KLHL6: variants seen among roughly 807,000 people sequenced by gnomAD.
KLHL6 encodes the protein kelch-like protein 6.
KLHL6 carries 41 observed loss-of-function variants against 58.6 expected under a neutral mutation model. The ratio of observed to expected loss-of-function variants is 0.70; its 90% CI spans 0.55 to 0.91. KLHL6 has a LOEUF of 0.91. Among genes scored for constraint, KLHL6 ranks in the 40% least tolerant of loss-of-function variants. KLHL6 has a pLI of 0.00. For missense variants in KLHL6, 714 were observed against 805.6 expected, an observed-to-expected ratio of 0.89 and a Z score of 1.38; for synonymous variants, 338 against 322.7, an observed-to-expected ratio of 1.05 and a Z score of -0.51.
intron 4 of KLHL6, among the ~76,000 whole-genome samples, chr3:183,497,107 C>A (rs1039275166): frequency 9.2e-5 from 14 of 152,156 alleles, no homozygotes; most frequent in Admixed American, 6.5e-4. Context: ...GTGAGCCCCC[C>A]ACCTACCAAA....
At chr3:183,540,996 C>T (rs1166948401) in intron 1 of KLHL6, among the ~76,000 whole-genome samples, 2 of 152,126 alleles carry the variant, frequency 1.3e-5, no homozygotes, top group African/African-American at 4.8e-5. Context: ...TTTCCACTTT[C>T]CACTCCCACC....
chr3:183,495,887 A>G (rs532259480), intron 4 of KLHL6, among the ~76,000 whole-genome samples: 2 of 152,196 alleles, frequency 1.3e-5, no homozygotes, highest in Non-Finnish European at 2.9e-5. Flanking sequence ...GAGCACAGAA[A>G]CGGACTAAAA....
intron 2 of KLHL6, among the ~76,000 whole-genome samples, chr3:183,523,692 G>A (rs957612229): frequency 5.0e-5 from 3 of 59,540 alleles, no homozygotes; most frequent in Non-Finnish European, 9.2e-5. Context: ...TTTCCCATGA[G>A]TTGTTGTTTG....
intron 2 of KLHL6, among the ~76,000 whole-genome samples, chr3:183,510,363 C>T (rs1414698007): frequency 6.6e-6 from 1 of 151,864 alleles, no homozygotes; most frequent in Non-Finnish European, 1.5e-5. Context: ...ACAGGACAGA[C>T]CTGACTGGGG....
chr3:183,531,443 G>GTTTTTTTTTTT (rs59579259), intron 1 of KLHL6, among the ~76,000 whole-genome samples: 11 of 90,362 alleles, frequency 1.2e-4, no homozygotes, highest in African/African-American at 4.8e-4. Context: ...TTTTGTCTGT[G>GTTTTTTTTTTT]TTTTTTTTTT....
intron 1 of KLHL6, among the ~76,000 whole-genome samples, chr3:183,534,933 C>CAT (rs377650262): frequency 1.3e-3 from 179 of 137,844 alleles, no homozygotes; most frequent in African/African-American, 4.1e-3. Flanking sequence ...CATATATATA[C>CAT]ATATATATAT....
chr3:183,523,375 A>G (rs557960711), intron 2 of KLHL6, among the ~76,000 whole-genome samples: 3 of 152,308 alleles, frequency 2.0e-5, no homozygotes, highest in East Asian at 1.9e-4. Flanking sequence ...ACCTTCACCA[A>G]TGTCTCCTCT....
In KLHL6 at chr3:183,528,046, G is replaced by C. The variant is rs768903298; in HGVS notation, c.294-36C>G. 1.9e-6 allele frequency: 3 copies of C among 1,612,402 alleles called. No homozygotes were observed. The South Asian group carries it at 3.3e-5, about 18-fold the overall frequency. On this transcript the variant is annotated intron_variant, in intron 1 of 6. Coordinates refer to ENST00000341319, the MANE Select transcript of KLHL6 (RefSeq NM_130446.4). Reference sequence around the variant, plus strand: ...AATGTGTGAATGTGAATCGTGCCGAGACCCTTGGTTCCAGGCCTAAAGAGA... The same window carrying C: ...AATGTGTGAATGTGAATCGTGCCGACACCCTTGGTTCCAGGCCTAAAGAGA...
chr3:183,531,441 G>GTATTTTTTTTTTTTT (rs1367673441), intron 1 of KLHL6, among the ~76,000 whole-genome samples: 1 of 102,100 alleles, frequency 9.8e-6, no homozygotes, highest in African/African-American at 3.5e-5. Context: ...TTTTTTGTCT[G>GTATTTTTTTTTTTTT]TGTTTTTTTT....
At chr3:183,502,693 AT>A (rs1467797991) in intron 3 of KLHL6, among the ~76,000 whole-genome samples, 2 of 152,150 alleles carry the variant, frequency 1.3e-5, no homozygotes, top group Non-Finnish European at 2.9e-5. Context: ...GTGAGCTTGA[AT>A]CTCATAATGA....
chr3:183,516,914 TG>T (rs1367810628), intron 2 of KLHL6, among the ~76,000 whole-genome samples: 1 of 152,230 alleles, frequency 6.6e-6, no homozygotes, highest in African/African-American at 2.4e-5. Context: ...TTGTAATTTT[TG>T]TTGTTGTTTT....
chr3:183,492,767 A>C lies in KLHL6; in HGVS notation c.1351-60T>G, dbSNP rs1276148714. The C allele has an allele frequency of 6.6e-7, 1 of 1,510,606 alleles. No individual in the cohort carries two copies. The highest frequency in any genetic ancestry group is 1.4e-5 in the African/African-American group (1 of 72,846). 93.6% of individuals were successfully genotyped at this position (1,510,606 alleles called of 1,614,324 possible). On this transcript the variant is annotated intron_variant, in intron 5 of 6. Transcript: ENST00000341319. The surrounding 1 kb of genome is among the most constrained non-coding windows in gnomAD (Gnocchi z 5.9). ...GTCATGCTGCCCAGATTGCTGCAGT[A>C]GCTCCCAGGATACAGGACAGAGCTC...
Position 183,527,979 on chromosome 3 carries a change from A to G in KLHL6, c.325T>C (p.Tyr109His), listed in dbSNP as rs1165987594. The change falls in exon 2 of 7, where the codon TAT becomes CAT. Residue 109 changes from tyrosine to histidine, a missense_variant. Coordinates refer to ENST00000341319, the MANE Select transcript of KLHL6 (RefSeq NM_130446.4). ...AMFCNDLKEKYEKRIIIKGVD... is the reference protein window; with the variant it reads ...AMFCNDLKEKHEKRIIIKGVD... ...CCTTTAATAATGATCCTTTTCTCAT[A>G]CTTTTCCTTTAAATCGTTGCAGAAC... The G allele has an allele frequency of 3.1e-6, 5 of 1,613,848 alleles. No individual in the cohort carries two copies. In the Admixed American group the frequency reaches 8.3e-5, roughly 27 times the overall value.
rs1324061232 is a variant in KLHL6, at chr3:183,491,025, C to A, written c.*902G>T. ...GAAAAGGAAAGAAAGCAGGAAACAC[C>A]TTTATTTCCCTGCTGTGCTGAGTGA... is the stretch of plus-strand genomic sequence containing the variant. On this transcript the variant is annotated 3_prime_UTR_variant, in exon 7 of 7. Transcript: ENST00000341319. 6.6e-6 allele frequency: 1 copy of A among 152,188 alleles called. No homozygotes were observed. The highest frequency in any genetic ancestry group is 1.5e-5 in the Non-Finnish European group (1 of 68,034). The allele number at this position is 152,188 out of a possible 1,614,324, so 9.4% of individuals were successfully genotyped here.
chr3:183,552,694 G>C (rs1712970372), intron 1 of KLHL6, among the ~76,000 whole-genome samples: 1 of 147,616 alleles, frequency 6.8e-6, no homozygotes, highest in South Asian at 2.1e-4. Context: ...CTCCAGCCTG[G>C]GCGACAGAGC....
chr3:183,500,065 T>C (rs939979638), intron 3 of KLHL6, among the ~76,000 whole-genome samples: 1 of 152,222 alleles, frequency 6.6e-6, no homozygotes, highest in Non-Finnish European at 1.5e-5. Context: ...GCCCAGGACC[T>C]GGTGCATAAC....
Position 183,508,409 on chromosome 3 carries a change from C to A in KLHL6, c.559G>T (p.Asp187Tyr). 6.2e-7 allele frequency: 1 copy of A among 1,614,182 alleles called. No individual in the cohort carries two copies. ...ILRLADTHSL[D>Y]SLKKQVQSYI... ...CTCTGAACCTGCTTCTTTAGACTGT[C>A]CAGCGAGTGTGTGTCAGCCAGCCTC... The change falls in exon 3 of 7, where the codon GAC becomes TAC. Residue 187 changes from aspartate (D) to tyrosine (Y), a missense_variant. Coordinates refer to ENST00000341319, the MANE Select transcript of KLHL6 (RefSeq NM_130446.4).
At chr3:183,538,363 A>C (rs76377105) in intron 1 of KLHL6, among the ~76,000 whole-genome samples, 6,049 of 151,776 alleles carry the variant, frequency 0.04, 170 homozygotes, top group Non-Finnish European at 0.059. Flanking sequence ...TATCACTCCC[A>C]CTATCTCACT....
At chr3:183,506,182 C>G (rs1209943809) in intron 3 of KLHL6, among the ~76,000 whole-genome samples, 2 of 152,208 alleles carry the variant, frequency 1.3e-5, no homozygotes, top group African/African-American at 4.8e-5. Flanking sequence ...AAACTGTTAA[C>G]AAACTGTCCC....
Sources: allele counts gnomAD v4.1 joint callset (sites outside exome capture counted in the v4.1 genomes callset), GRCh38; gene constraint gnomAD v4.1.1; non-coding constraint Gnocchi (gnomAD v3.1); transcripts MANE v1.5; gene names NCBI Gene and HGNC (gene_info 2026-07-23, HGNC 2026-07-21).